The following TNPO1 variants were observed in gnomAD, a reference collection of about 807,000 sequenced individuals.
TNPO1 encodes transportin 1.
TNPO1 carries 8 observed loss-of-function variants against 119.5 expected under a neutral mutation model. That is an observed-to-expected ratio of 0.07 (90% confidence interval 0.04 to 0.12). The LOEUF (loss-of-function observed/expected upper bound fraction) is 0.12, where lower values mean the gene tolerates loss of function less well. Ranked by LOEUF, TNPO1 falls within the 10% of genes least tolerant of loss-of-function variation. The pLI is 1.00. For synonymous variants in TNPO1, 362 were observed against 363.0 expected, an observed-to-expected ratio of 1.00 and a Z score of 0.03; for missense variants, 576 against 1,089.8, an observed-to-expected ratio of 0.53 and a Z score of 6.64.
intron 1 of TNPO1, among the ~76,000 whole-genome samples, chr5:72,833,902 A>G (rs962391769): frequency 6.6e-6 from 1 of 152,208 alleles, no homozygotes; most frequent in Admixed American, 6.5e-5. Flanking sequence ...GTAGTCTATC[A>G]TATGACATTA....
In TNPO1 at chr5:72,879,651, TA is replaced by T. The variant is rs139371291; in HGVS notation, c.920+2306del. ...TTGGGATTACAGCCATGGGCCACGG[TA>T]CCCAGTGGGAGCCACTTTTATATAT... On this transcript the variant is annotated intron_variant, in intron 9 of 24. Transcript: ENST00000337273. Among the ~76,000 whole-genome samples, 174 of 152,346 alleles carry T rather than the reference TA, an allele frequency of 1.1e-3. 4 individuals are homozygous for T. The East Asian group carries it at 0.031, about 27-fold the overall frequency.
chr5:72,841,228 C>T (rs1446608034), intron 1 of TNPO1, among the ~76,000 whole-genome samples: 1 of 151,400 alleles, frequency 6.6e-6, no homozygotes, highest in African/African-American at 2.4e-5. Flanking sequence ...TCAAGAGATT[C>T]TCCTGCCTCA....
At chr5:72,893,841 T>C in intron 18 of TNPO1, 138 bp downstream of exon 18, 1 of 839,016 alleles carries the variant, frequency 1.2e-6, no homozygotes, top group Non-Finnish European at 1.8e-6. Context: ...AAAGTAAACT[T>C]GCTGTGATTG....
intron 1 of TNPO1, among the ~76,000 whole-genome samples, chr5:72,818,116 A>C (rs551449876): frequency 6.6e-6 from 1 of 152,360 alleles, no homozygotes; most frequent in African/African-American, 2.4e-5. Context: ...CATGCAATTT[A>C]ACGTGAGCCT....
At chr5:72,830,917 G>A (rs2112188657) in intron 1 of TNPO1, among the ~76,000 whole-genome samples, 1 of 152,206 alleles carries the variant, frequency 6.6e-6, no homozygotes, top group East Asian at 1.9e-4. Context: ...TAAGTGTATA[G>A]TCATGAATGG....
chr5:72,826,384 A>T (rs573822176), intron 1 of TNPO1, among the ~76,000 whole-genome samples: 7 of 152,308 alleles, frequency 4.6e-5, no homozygotes, highest in African/African-American at 1.4e-4. Context: ...AAAATACGTG[A>T]CATATATATG....
chr5:72,887,839 T>A (rs778077559), intron 12 of TNPO1, among the ~76,000 whole-genome samples: 1 of 152,236 alleles, frequency 6.6e-6, no homozygotes, highest in African/African-American at 2.4e-5. Context: ...GAAGGGTTAT[T>A]ATTGATTTTG....
intron 7 of TNPO1, among the ~76,000 whole-genome samples, chr5:72,874,922 C>T (rs1747654319): frequency 6.6e-6 from 1 of 152,148 alleles, no homozygotes; most frequent in Admixed American, 6.5e-5. Flanking sequence ...ATGTCTTTTT[C>T]TTCTAGTGGA....
At position 72,877,335 on chromosome 5, in the gene TNPO1, G is replaced by T. The variant is rs748978426; in HGVS notation, c.909G>T (p.Arg303Ser). 4 of 1,585,018 alleles carry T rather than the reference G, an allele frequency of 2.5e-6. No homozygotes were observed. The highest frequency in any genetic ancestry group is 1.3e-5 in the African/African-American group (1 of 74,312). ...EQPICKDVLV[R>S]HLPKLIPVLV... Reference sequence around the variant, plus strand: ...CAATATGCAAAGATGTACTCGTAAGGCATCTTCCTAAGTAAGTGTTCCCTC... The same window carrying T: ...CAATATGCAAAGATGTACTCGTAAGTCATCTTCCTAAGTAAGTGTTCCCTC... The change falls in exon 9 of 25, where the codon AGG becomes AGT. Residue 303 changes from arginine (R) to serine (S), a missense_variant. Arg to Ser is a moderately radical substitution (Grantham distance 110, BLOSUM62 -1). Around this residue, in one of 6 missense-constraint regions of TNPO1, gnomAD observed 310 missense variants for 583.0 expected, o/e 0.53. Transcript: ENST00000337273.
chr5:72,862,275 GT>G, intron 5 of TNPO1: 1 of 170,352 alleles, frequency 5.9e-6, no homozygotes, highest in South Asian at 1.4e-4. Context: ...TCTCTAAATT[GT>G]TTTTATGCCT....
intron 5 of TNPO1, 33 bp from the exon 6 acceptor site, chr5:72,865,563 C>A (rs967687757): frequency 6.2e-7 from 1 of 1,605,354 alleles, no homozygotes; most frequent in African/African-American, 1.3e-5. Flanking sequence ...TCATTTTTAA[C>A]AAATTCTGAT....
chr5:72,891,676 A>G, intron 14 of TNPO1, 134 bp from the exon 15 acceptor site: 1 of 641,122 alleles, frequency 1.6e-6, no homozygotes, highest in Non-Finnish European at 2.7e-6. Flanking sequence ...TGCAGAGTGA[A>G]GAATGACTCT....
intron 4 of TNPO1, among the ~76,000 whole-genome samples, chr5:72,859,330 C>G (rs563807908): frequency 6.6e-6 from 1 of 152,280 alleles, no homozygotes; most frequent in Admixed American, 6.5e-5. Context: ...CCAGCAGCAG[C>G]CACATACCCT....
intron 6 of TNPO1, among the ~76,000 whole-genome samples, chr5:72,867,826 A>G (rs556406003): frequency 2.0e-5 from 3 of 152,350 alleles, no homozygotes; most frequent in Admixed American, 1.3e-4. Flanking sequence ...CTGAATCACT[A>G]TAGCTCATTT....
At chr5:72,860,201 T>C (rs1746325075) in intron 4 of TNPO1, among the ~76,000 whole-genome samples, 1 of 152,208 alleles carries the variant, frequency 6.6e-6, no homozygotes, top group Admixed American at 6.5e-5. Context: ...TGTTCAGTGA[T>C]AGTCATTGAG....
rs1249495369 is a variant in TNPO1, at chr5:72,912,424, G to A, written c.*3751G>A. ...CCTCTTGAAATGCTTTGTCTACTCA[G>A]TTATAAAATATTCAGATACAAGTTT... On this transcript the variant is annotated 3_prime_UTR_variant, in exon 25 of 25. Transcript: ENST00000337273. 3 of 152,410 alleles carry A rather than the reference G, an allele frequency of 2.0e-5. No individual in the cohort carries two copies. The highest frequency in any genetic ancestry group is 2.9e-5 in the Non-Finnish European group (2 of 67,912). 9.4% of individuals were successfully genotyped at this position (152,410 alleles called of 1,614,324 possible).
chr5:72,899,041 C>T (rs1416731347), intron 20 of TNPO1, among the ~76,000 whole-genome samples: 1 of 152,000 alleles, frequency 6.6e-6, no homozygotes, highest in Non-Finnish European at 1.5e-5. Context: ...CCGAGTTGCA[C>T]TTATTTTAGC....
At chr5:72,817,928 G>T (rs541171429) in intron 1 of TNPO1, among the ~76,000 whole-genome samples, 1 of 152,258 alleles carries the variant, frequency 6.6e-6, no homozygotes, top group South Asian at 2.1e-4. Context: ...TTTGGGAAAG[G>T]ATCTGTTTTC....
intron 11 of TNPO1, among the ~76,000 whole-genome samples, chr5:72,883,442 G>A (rs552573721): frequency 6.6e-6 from 1 of 152,246 alleles, no homozygotes; most frequent in East Asian, 1.9e-4. Flanking sequence ...ATTGTTCACT[G>A]GCTCTGGGCA....
Sources: allele counts gnomAD v4.1 joint callset (sites outside exome capture counted in the v4.1 genomes callset), GRCh38; gene constraint gnomAD v4.1.1; regional missense constraint gnomAD v4.1.1; transcripts MANE v1.5; gene names NCBI Gene and HGNC (gene_info 2026-07-23, HGNC 2026-07-21).